Variants in NUBP2 observed in about 807,000 individuals in gnomAD.
NUBP2 encodes NUBP iron-sulfur cluster assembly factor 2, cytosolic, also known as cytosolic Fe-S cluster assembly factor NUBP2.
Under a neutral mutation model 24.9 loss-of-function variants are expected in NUBP2, and 23 were observed. The ratio of observed to expected loss-of-function variants is 0.92; its 90% CI spans 0.66 to 1.31. The LOEUF is 1.31. NUBP2 is among the 50% of genes most tolerant of loss of function. The pLI is 0.00. For missense variants in NUBP2, 403 were observed against 386.5 expected (o/e 1.04, Z -0.36); for synonymous variants, 186 against 170.9 (o/e 1.09, Z -0.69).
At chr16:1,787,029 G>C in intron 3 of NUBP2, 74 bp downstream of exon 3, 1 of 1,366,438 alleles carries the variant, frequency 7.3e-7, no homozygotes, top group Non-Finnish European at 9.7e-7. Context: ...CTGTGGAAAT[G>C]TTCCTCTTCA....
chr16:1,787,302 G>A, intron 3 of NUBP2: 1 of 410,604 alleles, frequency 2.4e-6, no homozygotes, highest in Non-Finnish European at 4.4e-6. Context: ...GCAGGGAGAG[G>A]CTGGTGGGAG....
rs1273132096 is a variant in NUBP2, at chr16:1,788,979, CTG to C, written c.*268_*269del. 2 of 469,634 alleles carry C rather than the reference CTG, an allele frequency of 4.3e-6. No homozygotes were observed. Among genetic ancestry groups the C allele is most frequent in the East Asian group, 7.2e-5 (2 of 27,680 alleles). The allele number at this position is 469,634 out of a possible 1,614,324, so 29.1% of individuals were successfully genotyped here. On this transcript the variant is annotated 3_prime_UTR_variant, in exon 7 of 7. Transcript: ENST00000262302. ...CTCTCTTCCCATCCATGTTGCCTAC[CTG>C]TGCCCCTGGCAGCCGCGTGTCCACA...
chr16:1,788,849 C>T lies in NUBP2; in HGVS notation c.*135C>T. ...GCAGCGTCAGCCGGAGAGCTTCTCC[C>T]CGACCAGCCCAGCCCCAGGATGTGT... On this transcript the variant is annotated 3_prime_UTR_variant, in exon 7 of 7. Transcript: ENST00000262302. 5 of 1,141,384 alleles carry T rather than the reference C, an allele frequency of 4.4e-6. No individual in the cohort carries two copies. The highest frequency in any genetic ancestry group is 1.7e-5 in the South Asian group (1 of 57,854). 70.7% of individuals were successfully genotyped at this position (1,141,384 alleles called of 1,614,324 possible).
chr16:1,786,056 G>A lies in NUBP2; in HGVS notation c.17-481G>A, dbSNP rs1220045829. ...CCGCACATTGCAGGGACCGAGAGCC[G>A]GGGACGCTGGTGTGTGACAACGCGT... On this transcript the variant is annotated intron_variant, in intron 1 of 6. Coordinates refer to ENST00000262302, the MANE Select transcript of NUBP2 (RefSeq NM_012225.4). The A allele has an allele frequency of 8.3e-5, 92 of 1,107,136 alleles. 2 individuals are homozygous for A. The South Asian group carries it at 1.2e-3, about 15-fold the overall frequency. 68.6% of individuals were successfully genotyped at this position (1,107,136 alleles called of 1,614,324 possible).
At position 1,783,008 on chromosome 16, in the gene NUBP2, T is replaced by TGGAGGCGGCGGGATGGA; in HGVS notation, c.-10_7dup. The TGGAGGCGGCGGGATGGA allele has an allele frequency of 1.4e-6, 2 of 1,394,534 alleles. No homozygotes were observed. The highest frequency in any genetic ancestry group is 1.9e-6 in the Non-Finnish European group (2 of 1,070,298). 86.4% of individuals were successfully genotyped at this position (1,394,534 alleles called of 1,614,324 possible). On this transcript the variant is annotated 5_prime_UTR_variant, in exon 1 of 7. It adds an upstream start codon to the 5' untranslated region. Coordinates refer to ENST00000262302, the MANE Select transcript of NUBP2 (RefSeq NM_012225.4). Reference sequence around the variant, plus strand: ...TAAGCGGACTGCAGCCGCGAGCTCCTGGAGGCGGCGGGATGGAGGCGGCGG... The same window carrying TGGAGGCGGCGGGATGGA: ...TAAGCGGACTGCAGCCGCGAGCTCCTGGAGGCGGCGGGATGGAGGAGGCGGCGGGATGGAGGCGGCGG...
intron 1 of NUBP2, 89 bp from the exon 2 acceptor site, chr16:1,786,448 C>T (rs943456658): frequency 1.1e-4 from 125 of 1,141,500 alleles, no homozygotes; most frequent in African/African-American, 1.9e-4. Flanking sequence ...CCGCTCAGAA[C>T]GTGGGTGCAA....
At chr16:1,785,903 G>T (rs1361692959) in intron 1 of NUBP2, 1 of 1,286,132 alleles carries the variant, frequency 7.8e-7, no homozygotes, top group East Asian at 5.6e-5. Context: ...TGGCGCCGGG[G>T]TGAGAATGCA....
Position 1,786,807 on chromosome 16 carries a change from C to G in NUBP2, c.186C>G (p.Leu62=), listed in dbSNP as rs370649168. ...DLCGPSIPRM[L]GAQGRAVHQC... Reference sequence around the variant, plus strand: ...GTGGCCCCAGTATCCCCCGCATGCTCGGGGCGCAGGGCAGGGCTGTGCACC... The same window carrying G: ...GTGGCCCCAGTATCCCCCGCATGCTGGGGGCGCAGGGCAGGGCTGTGCACC... The change falls in exon 3 of 7, where the codon CTC becomes CTG. Residue 62 remains leucine (L), a synonymous_variant. Transcript: ENST00000262302. 137 of 1,609,782 alleles carry G rather than the reference C, an allele frequency of 8.5e-5. No homozygotes were observed. The highest frequency in any genetic ancestry group is 1.1e-5 in the South Asian group (1 of 90,922).
At chr16:1,786,411 C>T in intron 1 of NUBP2, 126 bp from the exon 2 acceptor site, 1 of 851,990 alleles carries the variant, frequency 1.2e-6, no homozygotes, top group Non-Finnish European at 1.8e-6. Flanking sequence ...CACGGGCTGC[C>T]TCTGGGTCTG....
intron 2 of NUBP2, 37 bp from the exon 3 acceptor site, chr16:1,786,720 G>A: frequency 6.2e-7 from 1 of 1,611,584 alleles, no homozygotes; most frequent in Non-Finnish European, 8.5e-7. Context: ...TGGAGGCCTG[G>A]CGGTGCCCCC....
chr16:1,783,505 G>A (rs1278716680), intron 1 of NUBP2: 9 of 988,158 alleles, frequency 9.1e-6, no homozygotes, highest in Non-Finnish European at 1.1e-5. Context: ...GTTCAGAAAA[G>A]TGTAAGTTGC....
chr16:1,786,556 C>T lies in NUBP2; in HGVS notation c.36C>T (p.Gly12=), dbSNP rs140358532. The change falls in exon 2 of 7, where the codon GGC becomes GGT. Residue 12 remains glycine (G), a synonymous_variant. Coordinates refer to ENST00000262302, the MANE Select transcript of NUBP2 (RefSeq NM_012225.4). ...GCCCAGAGCCTGGAAACCTGGCCGG[C>T]GTCAGGCACATCATCCTGGTCCTCT... ...EAAAEPGNLA[G]VRHIILVLSG... is the part of the protein sequence containing the mutation. The T allele has an allele frequency of 1.9e-5, 31 of 1,601,078 alleles. No homozygotes were observed. The highest frequency in any genetic ancestry group is 3.3e-4 in the Middle Eastern group (2 of 6,006).
intron 1 of NUBP2, chr16:1,784,095 C>CT (rs759541816): frequency 0.054 from 39,829 of 732,864 alleles, 48 homozygotes; most frequent in Middle Eastern, 0.06. Context: ...TTGATAGAAG[C>CT]TTTTTTTTTT....
Position 1,788,182 on chromosome 16 carries a change from C to T in NUBP2, c.645C>T (p.Ala215=). ...VFSRGGGEEL[A]QLAGVPFLGS... ...CCAGGGGCGGCGGAGAGGAGCTGGC[C>T]CAGCTCGCCGGGGTGCCCTTCTTAG... The change falls in exon 6 of 7, where the codon GCC becomes GCT. Residue 215 remains alanine (A), a synonymous_variant. Coordinates refer to ENST00000262302, the MANE Select transcript of NUBP2 (RefSeq NM_012225.4). 1 of 1,516,060 alleles carries T rather than the reference C, an allele frequency of 6.6e-7. No homozygotes were observed. Among genetic ancestry groups the T allele is most frequent in the Non-Finnish European group, 8.8e-7 (1 of 1,135,764 alleles). 93.9% of individuals were successfully genotyped at this position (1,516,060 alleles called of 1,614,324 possible).
At position 1,789,100 on chromosome 16, in the gene NUBP2, C is replaced by T; in HGVS notation, c.*386C>T. 5.3e-6 allele frequency: 1 copy of T among 190,400 alleles called. No homozygotes were observed. The highest frequency in any genetic ancestry group is 1.4e-4 in the East Asian group (1 of 7,206). 11.8% of individuals were successfully genotyped at this position (190,400 alleles called of 1,614,324 possible). A position where few individuals can be genotyped will look rare whatever the true frequency, so the allele number is the denominator to read the frequency against. ...TCATCTGTGTTTAGCTCGGGGAGTG[C>T]CCCCTAAGGGGGCGAACTGACCTCA... On this transcript the variant is annotated 3_prime_UTR_variant, in exon 7 of 7. Coordinates refer to ENST00000262302, the MANE Select transcript of NUBP2 (RefSeq NM_012225.4).
intron 3 of NUBP2, chr16:1,787,163 G>A (rs1338902377): frequency 2.1e-5 from 11 of 517,142 alleles, no homozygotes; most frequent in South Asian, 1.4e-4. Context: ...CCCGGTCAGA[G>A]GGAGTGGGGT....
At chr16:1,785,739 G>T in intron 1 of NUBP2, 2 of 1,289,142 alleles carry the variant, frequency 1.6e-6, no homozygotes, top group Non-Finnish European at 2.0e-6. Flanking sequence ...TCTCCGGGAG[G>T]CTTTGGACTT....
chr16:1,788,065 G>T lies in NUBP2; in HGVS notation c.600+14G>T, dbSNP rs372642522. 2 of 1,575,162 alleles carry T rather than the reference G, an allele frequency of 1.3e-6. No individual in the cohort carries two copies. Among genetic ancestry groups the T allele is most frequent in the South Asian group, 1.2e-5 (1 of 86,900 alleles). On this transcript the variant is annotated intron_variant, in intron 5 of 6. Coordinates refer to ENST00000262302, the MANE Select transcript of NUBP2 (RefSeq NM_012225.4). ...CCACACTGCACGGTGAGTCCCGGGG[G>T]TTGCAGAGGGGGCGAGGCAGCACCT...
Position 1,788,777 on chromosome 16 carries a change from AAC to A in NUBP2, c.*65_*66del. ...GGGCTCTGCTCCAGCCTCTCAGAGA[AAC>A]AGAGGCCTGGGCTCGGTTCCCGGGC... On this transcript the variant is annotated 3_prime_UTR_variant, in exon 7 of 7. Coordinates refer to ENST00000262302, the MANE Select transcript of NUBP2 (RefSeq NM_012225.4). The A allele has an allele frequency of 6.5e-7, 1 of 1,536,212 alleles. No individual in the cohort carries two copies. The highest frequency in any genetic ancestry group is 8.8e-7 in the Non-Finnish European group (1 of 1,140,666).
Sources: allele counts gnomAD v4.1 joint callset, GRCh38; gene constraint gnomAD v4.1.1; transcripts MANE v1.5; gene names NCBI Gene and HGNC (gene_info 2026-07-23, HGNC 2026-07-21).